The following RASEF variants were observed in gnomAD, a reference collection of about 807,000 sequenced individuals.
The protein encoded by RASEF is RAS and EF-hand domain containing, also known as ras and EF-hand domain-containing protein.
RASEF carries 68 observed loss-of-function variants against 90.1 expected under a neutral mutation model. The observed-to-expected ratio is 0.75, with a 90% CI of 0.62 to 0.92. The LOEUF is 0.92. Among genes scored for constraint, RASEF ranks in the 40% least tolerant of loss-of-function variants. The pLI is 0.00. For synonymous variants in RASEF, 331 were observed against 345.2 expected, an observed-to-expected ratio of 0.96 and a Z score of 0.46; for missense variants, 949 against 937.2, an observed-to-expected ratio of 1.01 and a Z score of -0.16.
the RASEF span, among the ~76,000 whole-genome samples, chr9:83,092,003 C>CTTTTTTTTTTTTTTTTTTTTTTTTTTCT: frequency 5.6e-5 from 2 of 35,920 alleles, no homozygotes; most frequent in African/African-American, 1.9e-4. Flanking sequence ...TCTTTTATTT[C>CTTTTTTTTTTTTTTTTTTTTTTTTTTCT]TTTTTTTTTT....
the RASEF span, among the ~76,000 whole-genome samples, chr9:83,186,862 A>T: frequency 6.6e-6 from 1 of 152,118 alleles, no homozygotes; most frequent in Non-Finnish European, 1.5e-5. Context: ...TTAAAAAAAA[A>T]TTTCTAGCTG....
chr9:83,174,107 C>A, the RASEF span, among the ~76,000 whole-genome samples: 1 of 151,532 alleles, frequency 6.6e-6, no homozygotes, highest in Non-Finnish European at 1.5e-5. Context: ...AGTAGATTGT[C>A]TTATCACTTC....
At chr9:83,044,206 C>CA (rs1308330476) in intron 1 of RASEF, among the ~76,000 whole-genome samples, 1 of 152,076 alleles carries the variant, frequency 6.6e-6, no homozygotes, top group Non-Finnish European at 1.5e-5. Context: ...AGAGCATCTG[C>CA]AGAAAGGAGG....
the RASEF span, among the ~76,000 whole-genome samples, chr9:83,167,646 A>C: frequency 6.6e-6 from 1 of 152,122 alleles, no homozygotes; most frequent in Non-Finnish European, 1.5e-5. Context: ...CTCCAGAAGA[A>C]ACCCCATATT....
At chr9:83,124,475 C>T in the RASEF span, among the ~76,000 whole-genome samples, 6 of 152,168 alleles carry the variant, frequency 3.9e-5, no homozygotes, top group African/African-American at 7.2e-5. Flanking sequence ...AAGGCTATAG[C>T]TGTTCTATAA....
intron 1 of RASEF, among the ~76,000 whole-genome samples, chr9:83,027,415 G>T (rs930235672): frequency 3.3e-5 from 5 of 152,116 alleles, no homozygotes; most frequent in Non-Finnish European, 7.3e-5. Context: ...CATCCTGAAG[G>T]TCTAGGGGTC....
At chr9:83,091,066 C>T in the RASEF span, among the ~76,000 whole-genome samples, 1 of 152,160 alleles carries the variant, frequency 6.6e-6, no homozygotes, top group African/African-American at 2.4e-5. Context: ...TGTATTGTGA[C>T]ATGCTTTCAA....
chr9:83,075,565 C>T, the RASEF span, among the ~76,000 whole-genome samples: 1 of 152,090 alleles, frequency 6.6e-6, no homozygotes, highest in Non-Finnish European at 1.5e-5. Context: ...TAACTAAAGA[C>T]AAATTATGTT....
rs71363083 is a variant in RASEF at position 83,011,550 on chromosome 9, CAAAAAAAAA to C, written c.843+875_843+883del. On this transcript the variant is annotated intron_variant, in intron 5 of 16. Coordinates refer to ENST00000376447, the MANE Select transcript of RASEF (RefSeq NM_152573.4). ...CTGGTGACAGAGCAAGACTCCATCT[CAAAAAAAAA>C]AAAAAAAAAAAAAAAAACTGAAATT... Among the ~76,000 whole-genome samples, 116 of 28,118 alleles carry C rather than the reference CAAAAAAAAA, an allele frequency of 4.1e-3. 1 individual carries two copies. Among genetic ancestry groups the C allele is most frequent in the Middle Eastern group, 0.062 (1 of 16 alleles). The allele number at this position is 28,118 out of a possible 152,430, so 18.4% of individuals were successfully genotyped here.
Position 83,000,428 on chromosome 9 carries a change from C to CCTA in RASEF, c.1575+2_1575+4dup, listed in dbSNP as rs1156431954. ...ATGAATAGGAGTGTCTCGGAGACCA[C>CCTA]CTACCTGGGGCGAGAGTGCTGAGAT... On this transcript the variant is annotated splice_donor_region_variant and intron_variant, in intron 11 of 16. Coordinates refer to ENST00000376447, the MANE Select transcript of RASEF (RefSeq NM_152573.4). 3 of 1,613,246 alleles carry CCTA rather than the reference C, an allele frequency of 1.9e-6. No homozygotes were observed. The highest frequency in any genetic ancestry group is 2.5e-6 in the Non-Finnish European group (3 of 1,179,822).
At chr9:83,186,210 C>T in the RASEF span, among the ~76,000 whole-genome samples, 5 of 152,114 alleles carry the variant, frequency 3.3e-5, no homozygotes, top group African/African-American at 1.2e-4. Context: ...TTGAGGAGTC[C>T]TGTAATTTTC....
the RASEF span, among the ~76,000 whole-genome samples, chr9:83,129,202 C>T: frequency 2.0e-5 from 3 of 151,894 alleles, no homozygotes; most frequent in Non-Finnish European, 2.9e-5. Context: ...GTCAGGAGAT[C>T]GAGATCATCC....
the RASEF span, among the ~76,000 whole-genome samples, chr9:83,177,258 G>T: frequency 6.6e-6 from 1 of 152,076 alleles, no homozygotes; most frequent in Admixed American, 6.6e-5. Flanking sequence ...TGGTACAAAA[G>T]TAACTGTGGT....
the RASEF span, among the ~76,000 whole-genome samples, chr9:83,212,038 ATG>A: frequency 2.0e-5 from 3 of 151,456 alleles, no homozygotes; most frequent in East Asian, 1.9e-4. Flanking sequence ...GTGTGGGTGT[ATG>A]TGTGTGTGTG....
At chr9:82,992,786 A>G (rs1426441472) in intron 15 of RASEF, 120 bp downstream of exon 15, 8 of 995,620 alleles carry the variant, frequency 8.0e-6, no homozygotes, top group Non-Finnish European at 1.1e-5. Context: ...CAGATGCCTC[A>G]GACGGGGGAG....
chr9:83,080,929 T>C, the RASEF span, among the ~76,000 whole-genome samples: 1 of 152,184 alleles, frequency 6.6e-6, no homozygotes, highest in Non-Finnish European at 1.5e-5. Context: ...TTTTCTTAAG[T>C]TAGCAATATG....
the RASEF span, among the ~76,000 whole-genome samples, chr9:83,144,391 G>GAAAGAAAGAAAAGAAA: frequency 2.7e-4 from 9 of 33,220 alleles, 1 homozygote; most frequent in African/African-American, 9.2e-4. Flanking sequence ...AAGAAAGAAA[G>GAAAGAAAGAAAAGAAA]GAAAGAAAGA....
the RASEF span, among the ~76,000 whole-genome samples, chr9:83,207,598 C>CTTTTTTTTTTTTTTTTTTTTTTT: frequency 1.2e-5 from 1 of 85,456 alleles, no homozygotes; most frequent in African/African-American, 4.3e-5. Flanking sequence ...AGGAGGGCTG[C>CTTTTTTTTTTTTTTTTTTTTTTT]TTTTTTTTTT....
At chr9:83,059,022 G>A (rs1204553710) in intron 1 of RASEF, among the ~76,000 whole-genome samples, 1 of 151,948 alleles carries the variant, frequency 6.6e-6, no homozygotes, top group East Asian at 1.9e-4. Flanking sequence ...TCCCTCCTTT[G>A]GATACTTTTG....
Sources: allele counts gnomAD v4.1 joint callset (sites outside exome capture counted in the v4.1 genomes callset), GRCh38; gene constraint gnomAD v4.1.1; transcripts MANE v1.5; gene names NCBI Gene and HGNC (gene_info 2026-07-23, HGNC 2026-07-21).